CSNK1A1: variants seen among roughly 807,000 people sequenced by gnomAD.
CSNK1A1 encodes casein kinase I isoform alpha.
In CSNK1A1, 7 loss-of-function variants were observed where a neutral mutation model predicts 46.1. The observed-to-expected ratio is 0.15, with a 90% CI of 0.09 to 0.29. CSNK1A1 has a LOEUF of 0.29. CSNK1A1 is among the 10% of genes least tolerant of loss of function. The probability of loss-of-function intolerance (pLI) is 1.00; values close to 1 mark genes in which losing one functional copy is unlikely to be tolerated. For missense variants in CSNK1A1, 96 were observed against 417.1 expected (o/e 0.23, Z 6.71); for synonymous variants, 137 against 141.5 (o/e 0.97, Z 0.23).
chr5:149,511,397 A>G (rs1008856878), intron 6 of CSNK1A1, among the ~76,000 whole-genome samples: 3 of 149,188 alleles, frequency 2.0e-5, no homozygotes, highest in Non-Finnish European at 4.4e-5. Context: ...GTAAACTCCT[A>G]GCTAATAGAA....
At chr5:149,530,792 C>G (rs915459809) in intron 2 of CSNK1A1, among the ~76,000 whole-genome samples, 1 of 151,698 alleles carries the variant, frequency 6.6e-6, no homozygotes, top group Non-Finnish European at 1.5e-5. Context: ...ATGGTGAAAC[C>G]CCGTCTCTAC....
intron 2 of CSNK1A1, chr5:149,549,406 T>G: frequency 4.3e-6 from 3 of 695,448 alleles, no homozygotes; most frequent in Non-Finnish European, 7.9e-6. Context: ...TCACATCTGC[T>G]GCAGAGATCA....
rs938289072 is a variant in CSNK1A1, at chr5:149,497,865, G to A, written c.1007-1005C>T. 1.2e-4 allele frequency: 112 copies of A among 971,130 alleles called. No individual in the cohort carries two copies. The African/African-American group carries it at 1.7e-3, about 15-fold the overall frequency. 60.2% of individuals were successfully genotyped at this position (971,130 alleles called of 1,614,324 possible). A position where few individuals can be genotyped will look rare whatever the true frequency, so the allele number is the denominator to read the frequency against. On this transcript the variant is annotated intron_variant, in intron 9 of 9. Coordinates refer to ENST00000377843, the MANE Select transcript of CSNK1A1 (RefSeq NM_001892.6). ...TTTCTTTTTTTTTGGAGACAGTCTC[G>A]CTCTGTCACCCAGGCTGGAGGGCAG...
In CSNK1A1 at chr5:149,525,322, A is replaced by G. The variant is rs769988408; in HGVS notation, c.231-151T>C. On this transcript the variant is annotated intron_variant, in intron 2 of 9. Coordinates refer to ENST00000377843, the MANE Select transcript of CSNK1A1 (RefSeq NM_001892.6). This position sits in a 1 kb window ranked among gnomAD's most constrained non-coding sequence, Gnocchi z 4.2. ...GAAGACAAACCCACTAATTAACTAC[A>G]AGGCCCAAAGACAAAACAAGGGTAA... 1.3e-5 allele frequency among the ~76,000 whole-genome samples: 2 copies of G among 152,202 alleles called. No individual in the cohort carries two copies. Among genetic ancestry groups the G allele is most frequent in the Non-Finnish European group, 2.9e-5 (2 of 68,030 alleles).
intron 4 of CSNK1A1, among the ~76,000 whole-genome samples, chr5:149,514,608 G>A (rs1353936743): frequency 6.6e-6 from 1 of 152,118 alleles, no homozygotes; most frequent in Non-Finnish European, 1.5e-5. Context: ...AATTTGTGAT[G>A]TGCTGGGAAA....
At chr5:149,539,881 C>T (rs944387140) in intron 2 of CSNK1A1, among the ~76,000 whole-genome samples, 2 of 152,118 alleles carry the variant, frequency 1.3e-5, no homozygotes, top group Non-Finnish European at 2.9e-5. Context: ...GAAACACCAA[C>T]TTACAAGATT....
chr5:149,537,882 A>G (rs1386807262), intron 2 of CSNK1A1, among the ~76,000 whole-genome samples: 1 of 151,244 alleles, frequency 6.6e-6, no homozygotes, highest in Non-Finnish European at 1.5e-5. Flanking sequence ...GTCCTCACAT[A>G]GTTTGAGATT....
intron 2 of CSNK1A1, chr5:149,545,748 T>G (rs918709233): frequency 9.4e-6 from 6 of 637,382 alleles, no homozygotes; most frequent in African/African-American, 1.8e-5. Flanking sequence ...CCACCATTTC[T>G]GTGCCATTTT....
chr5:149,540,216 A>G (rs2113172712), intron 2 of CSNK1A1, among the ~76,000 whole-genome samples: 1 of 152,318 alleles, frequency 6.6e-6, no homozygotes, highest in South Asian at 2.1e-4. Flanking sequence ...TATAGAATTC[A>G]TTCTATTAAT....
chr5:149,527,256 T>C (rs1014401806), intron 2 of CSNK1A1, among the ~76,000 whole-genome samples: 4 of 152,058 alleles, frequency 2.6e-5, no homozygotes, highest in East Asian at 3.9e-4. Context: ...GCCTCCCAAG[T>C]AGCTGGGATT....
chr5:149,507,407 T>G (rs1235307569), intron 7 of CSNK1A1, among the ~76,000 whole-genome samples: 2 of 152,118 alleles, frequency 1.3e-5, no homozygotes, highest in Middle Eastern at 3.2e-3. Context: ...CTTAAATAAC[T>G]TACATAGCCC....
chr5:149,498,654 A>G, intron 9 of CSNK1A1: 1 of 985,430 alleles, frequency 1.0e-6, no homozygotes, highest in Non-Finnish European at 1.2e-6. Context: ...AAGTCTTGCA[A>G]TTCTTCTTAA....
Position 149,543,874 on chromosome 5 carries a change from C to T in CSNK1A1, c.230+6201G>A, listed in dbSNP as rs111535386. Among the ~76,000 whole-genome samples the T allele has an allele frequency of 1.0e-3, 155 of 151,708 alleles. 2 individuals carry two copies. The highest frequency in any genetic ancestry group is 3.4e-3 in the African/African-American group (142 of 41,344). On this transcript the variant is annotated intron_variant, in intron 2 of 9. Coordinates refer to ENST00000377843, the MANE Select transcript of CSNK1A1 (RefSeq NM_001892.6). ...TTCTGAATAGCCACTGCACTCCGCC[C>T]GGGTGACAGAGCAAGAACCTGCCGC... is the stretch of plus-strand genomic sequence containing the variant.
rs539537762 is a variant in CSNK1A1 at position 149,526,778 on chromosome 5, AG to A, written c.231-1608del. Among the ~76,000 whole-genome samples, 1,080 of 151,786 alleles carry A rather than the reference AG, an allele frequency of 7.1e-3. 19 individuals carry two copies. The highest frequency in any genetic ancestry group is 0.025 in the African/African-American group (1,024 of 41,376). The stretch of plus-strand genomic sequence containing the variant: ...AAATTTCAGGCATAGCACCTGAGAA[AG>A]GGGGGGGAGCCTCAAATCAGTCAGC... On this transcript the variant is annotated intron_variant, in intron 2 of 9. Coordinates refer to ENST00000377843, the MANE Select transcript of CSNK1A1 (RefSeq NM_001892.6).
chr5:149,538,066 G>T (rs893291544), intron 2 of CSNK1A1, among the ~76,000 whole-genome samples: 1 of 126,158 alleles, frequency 7.9e-6, no homozygotes, highest in East Asian at 2.3e-4. Context: ...CTTGTTGCCC[G>T]GGCTGGAGTG....
At position 149,493,360 on chromosome 5, in the gene CSNK1A1, A is replaced by T. The variant is rs1334512460; in HGVS notation, c.*3493T>A. Reference sequence around the variant, plus strand: ...CGTGTGCCACTGCTCCTAGCCAACCACTTTTTTTTTTTTTTTTTTTTTTAG... The same window carrying T: ...CGTGTGCCACTGCTCCTAGCCAACCTCTTTTTTTTTTTTTTTTTTTTTTAG... On this transcript the variant is annotated 3_prime_UTR_variant, in exon 10 of 10. Coordinates refer to ENST00000377843, the MANE Select transcript of CSNK1A1 (RefSeq NM_001892.6). 30 of 114,622 alleles carry T rather than the reference A, an allele frequency of 2.6e-4. No individual in the cohort carries two copies. Among genetic ancestry groups the T allele is most frequent in the African/African-American group, 9.8e-4 (28 of 28,558 alleles). 7.1% of individuals were successfully genotyped at this position (114,622 alleles called of 1,614,324 possible).
Position 149,520,395 on chromosome 5 carries a change from A to G in CSNK1A1, c.358-7T>C. The stretch of plus-strand genomic sequence containing the variant: ...ATTCAATTCTACTGATCATCTGGAA[A>G]AAAAAGAAGGGAGAGATAATTGAGT... On this transcript the variant is annotated splice_polypyrimidine_tract_variant and splice_region_variant and intron_variant, in intron 3 of 9. Transcript: ENST00000377843. 1 of 1,513,650 alleles carries G rather than the reference A, an allele frequency of 6.6e-7. No homozygotes were observed. The highest frequency in any genetic ancestry group is 9.1e-7 in the Non-Finnish European group (1 of 1,093,734). 93.8% of individuals were successfully genotyped at this position (1,513,650 alleles called of 1,614,324 possible). A position where few individuals can be genotyped will look rare whatever the true frequency, so the allele number is the denominator to read the frequency against.
At chr5:149,534,079 G>T (rs887576344) in intron 2 of CSNK1A1, among the ~76,000 whole-genome samples, 1 of 152,132 alleles carries the variant, frequency 6.6e-6, no homozygotes, top group East Asian at 1.9e-4. Flanking sequence ...CCTTTATGTG[G>T]GTAAATTATA....
Position 149,496,543 on chromosome 5 carries a change from C to A in CSNK1A1, c.*310G>T. 1 of 378,320 alleles carries A rather than the reference C, an allele frequency of 2.6e-6. No homozygotes were observed. The highest frequency in any genetic ancestry group is 4.7e-6 in the Non-Finnish European group (1 of 211,222). 23.4% of individuals were successfully genotyped at this position (378,320 alleles called of 1,614,324 possible). A position where few individuals can be genotyped will look rare whatever the true frequency, so the allele number is the denominator to read the frequency against. On this transcript the variant is annotated 3_prime_UTR_variant, in exon 10 of 10. Transcript: ENST00000377843. ...TTTTAACAAAAAATTGGCATATGCA[C>A]AATTTCTCCACCAATTTTTGTGTGT...
Sources: allele counts gnomAD v4.1 joint callset (sites outside exome capture counted in the v4.1 genomes callset), GRCh38; gene constraint gnomAD v4.1.1; non-coding constraint Gnocchi (gnomAD v3.1); transcripts MANE v1.5; gene names NCBI Gene and HGNC (gene_info 2026-07-23, HGNC 2026-07-21).